UNC13C: variants seen among roughly 807,000 people sequenced by gnomAD.
The protein encoded by UNC13C is unc-13 homolog C.
A neutral mutation model predicts 245.4 loss-of-function variants in UNC13C; 174 were observed. The ratio of observed to expected loss-of-function variants is 0.71; its 90% CI spans 0.63 to 0.80. UNC13C has a LOEUF of 0.80. Among genes scored for constraint, UNC13C ranks in the 30% least tolerant of loss-of-function variants. The probability of loss-of-function intolerance (pLI) is 0.00; values close to 1 mark genes in which losing one functional copy is unlikely to be tolerated. For missense variants in UNC13C, 2,829 were observed against 2,602.9 expected, an observed-to-expected ratio of 1.09 and a Z score of -1.89; for synonymous variants, 992 against 895.1, an observed-to-expected ratio of 1.11 and a Z score of -1.93.
At chr15:54,003,208 GA>G (rs1050044721) in intron 1 of UNC13C, among the ~76,000 whole-genome samples, 19 of 152,176 alleles carry the variant, frequency 1.2e-4, no homozygotes, top group African/African-American at 4.6e-4. Context: ...AAAAAAGTGG[GA>G]GGGGGCTTGT....
chr15:53,838,102 T>C, the UNC13C span, among the ~76,000 whole-genome samples: 1 of 152,174 alleles, frequency 6.6e-6, no homozygotes, highest in African/African-American at 2.4e-5. Flanking sequence ...AATTAGTTTA[T>C]AATTTTTCCA....
intron 32 of UNC13C, among the ~76,000 whole-genome samples, chr15:54,625,978 A>G (rs1901115026): frequency 6.6e-6 from 1 of 152,134 alleles, no homozygotes. Flanking sequence ...CCTAAAGTAC[A>G]AAGTTTAGTT....
At chr15:54,219,389 C>T (rs1345851759) in intron 4 of UNC13C, among the ~76,000 whole-genome samples, 14 of 151,824 alleles carry the variant, frequency 9.2e-5, no homozygotes, top group Admixed American at 5.3e-4. Flanking sequence ...GAAAACTGGC[C>T]AGCCATATGT....
intron 1 of UNC13C, among the ~76,000 whole-genome samples, chr15:53,981,007 G>A (rs1893904568): frequency 6.6e-6 from 1 of 152,162 alleles, no homozygotes; most frequent in African/African-American, 2.4e-5. Context: ...AATGTATGTT[G>A]GGGCTTAGGT....
chr15:54,159,628 G>A, intron 4 of UNC13C, among the ~76,000 whole-genome samples: 1 of 152,316 alleles, frequency 6.6e-6, no homozygotes, highest in South Asian at 2.1e-4. Context: ...CCTACTTCTG[G>A]CATGAAGAAA....
intron 2 of UNC13C, chr15:54,050,888 C>G (rs1232511824): frequency 3.6e-6 from 2 of 554,830 alleles, no homozygotes. Flanking sequence ...GACTCCACTT[C>G]CAGCAAAAAT....
At chr15:54,115,104 A>G (rs75869818) in intron 2 of UNC13C, among the ~76,000 whole-genome samples, 1 of 151,882 alleles carries the variant, frequency 6.6e-6, no homozygotes, top group African/African-American at 2.4e-5. Context: ...TTTTAATTTT[A>G]TGATATATTT....
intron 2 of UNC13C, among the ~76,000 whole-genome samples, chr15:54,085,888 A>G (rs765225473): frequency 2.0e-5 from 3 of 151,456 alleles, no homozygotes; most frequent in Non-Finnish European, 2.9e-5. Flanking sequence ...AAAACAAACA[A>G]TTATGAAACG....
At chr15:54,112,395 T>C (rs572792518) in intron 2 of UNC13C, among the ~76,000 whole-genome samples, 6 of 152,176 alleles carry the variant, frequency 3.9e-5, no homozygotes, top group Non-Finnish European at 8.8e-5. Flanking sequence ...GTGTCTGATT[T>C]ACATAGGGCC....
intron 2 of UNC13C, among the ~76,000 whole-genome samples, chr15:54,060,627 C>A (rs980209344): frequency 1.3e-5 from 2 of 151,944 alleles, no homozygotes; most frequent in African/African-American, 4.8e-5. Context: ...GGTATATACC[C>A]AAAGGATTAT....
chr15:53,845,464 C>A, the UNC13C span, among the ~76,000 whole-genome samples: 2 of 152,218 alleles, frequency 1.3e-5, no homozygotes, highest in East Asian at 3.9e-4. Context: ...ACAACACAGC[C>A]CTCCTACTTT....
At chr15:53,954,639 A>G in the UNC13C span, among the ~76,000 whole-genome samples, 10 of 152,166 alleles carry the variant, frequency 6.6e-5, no homozygotes, top group Admixed American at 1.3e-4. Flanking sequence ...GTCTAATTAT[A>G]GGCTTCAAAT....
chr15:54,293,359 C>T (rs1377166623), intron 10 of UNC13C, among the ~76,000 whole-genome samples: 2 of 151,950 alleles, frequency 1.3e-5, no homozygotes, highest in African/African-American at 4.8e-5. Context: ...CTAGAATGCA[C>T]AGTTTGTTCT....
chr15:54,153,212 A>C (rs1468108047), intron 4 of UNC13C, among the ~76,000 whole-genome samples: 1 of 152,154 alleles, frequency 6.6e-6, no homozygotes, highest in South Asian at 2.1e-4. Context: ...GCAGATTAAG[A>C]GTTCTTAGTT....
At chr15:54,381,595 C>A (rs1448488019) in intron 17 of UNC13C, among the ~76,000 whole-genome samples, 4 of 152,124 alleles carry the variant, frequency 2.6e-5, no homozygotes, top group East Asian at 1.9e-4. Context: ...CATTGGACAT[C>A]TTTTTATTCA....
At chr15:54,381,574 C>T (rs949486275) in intron 17 of UNC13C, among the ~76,000 whole-genome samples, 1 of 152,088 alleles carries the variant, frequency 6.6e-6, no homozygotes, top group Non-Finnish European at 1.5e-5. Context: ...ACTACACTTC[C>T]AATCCATAAA....
chr15:54,051,890 T>C (rs922078253), intron 2 of UNC13C, among the ~76,000 whole-genome samples: 3 of 142,634 alleles, frequency 2.1e-5, no homozygotes, highest in African/African-American at 7.9e-5. Context: ...TAGGTATATC[T>C]CCCAATGCTA....
intron 30 of UNC13C, among the ~76,000 whole-genome samples, chr15:54,618,382 C>A (rs1437757729): frequency 6.6e-6 from 1 of 152,138 alleles, no homozygotes; most frequent in Non-Finnish European, 1.5e-5. Flanking sequence ...GTAGGCTAAT[C>A]CCTATGGATT....
chr15:54,373,037 C>T (rs985871333), intron 17 of UNC13C, among the ~76,000 whole-genome samples: 11 of 152,124 alleles, frequency 7.2e-5, no homozygotes, highest in East Asian at 3.9e-4. Flanking sequence ...CCTCTGGGCA[C>T]GTCTAGAACT....
Sources: gnomAD v4.1 joint callset for allele counts (sites outside exome capture counted in the v4.1 genomes callset) on GRCh38, gnomAD v4.1.1 for gene constraint, MANE v1.5 for transcripts, NCBI Gene and HGNC (gene_info 2026-07-23, HGNC 2026-07-21) for gene names.